SYNPO: variants seen among roughly 807,000 people sequenced by gnomAD.
SYNPO encodes synaptopodin.
SYNPO carries 19 observed loss-of-function variants against 49.5 expected under a neutral mutation model. The observed-to-expected ratio is 0.38, with a 90% CI of 0.27 to 0.56. The LOEUF (loss-of-function observed/expected upper bound fraction) is 0.56. Ranked by LOEUF, SYNPO falls within the 20% of genes least tolerant of loss-of-function variation. The pLI is 0.68. For synonymous variants in SYNPO, 536 were observed against 548.0 expected, an observed-to-expected ratio of 0.98 and a Z score of 0.31; for missense variants, 1,131 against 1,248.3, an observed-to-expected ratio of 0.91 and a Z score of 1.42.
chr5:150,637,484 C>A (rs576406208), upstream of SYNPO, among the ~76,000 whole-genome samples: 8 of 152,214 alleles, frequency 5.3e-5, no homozygotes, highest in East Asian at 1.5e-3. Context: ...ATGATTGCAC[C>A]CGGCCCCTGA....
chr5:150,652,555 G>A, intron 2 of SYNPO: 1 of 324,564 alleles, frequency 3.1e-6, no homozygotes, highest in Non-Finnish European at 4.4e-6. Context: ...ACAGCACTCA[G>A]GGAGCCAGAA....
At chr5:150,650,699 C>G (rs550395965) in intron 2 of SYNPO, 1 of 1,374,580 alleles carries the variant, frequency 7.3e-7, no homozygotes, top group African/African-American at 1.5e-5. Flanking sequence ...GAAGGGGATC[C>G]TAACAGGGAC....
At chr5:150,605,229 A>C (rs968937184) in intron 1 of SYNPO, among the ~76,000 whole-genome samples, 1 of 152,132 alleles carries the variant, frequency 6.6e-6, no homozygotes, top group Non-Finnish European at 1.5e-5. Flanking sequence ...AGAGGCCCTG[A>C]GCCCCAGGTG....
intron 1 of SYNPO, chr5:150,617,791 T>G (rs757072210): frequency 6.6e-6 from 1 of 152,244 alleles, no homozygotes; most frequent in Non-Finnish European, 1.5e-5. Context: ...GGAAAAGGAC[T>G]GAGCACAATA....
At chr5:150,595,858 C>A in the SYNPO span, among the ~76,000 whole-genome samples, 1 of 151,348 alleles carries the variant, frequency 6.6e-6, no homozygotes, top group Non-Finnish European at 1.5e-5. Flanking sequence ...CCCCACCCCC[C>A]CAGCTGGCTG....
At chr5:150,602,156 C>T (rs1756560463) in intron 1 of SYNPO, among the ~76,000 whole-genome samples, 4 of 152,192 alleles carry the variant, frequency 2.6e-5, no homozygotes, top group Admixed American at 2.6e-4. Flanking sequence ...GCAAATGGGG[C>T]TCCCAGAGGG....
At chr5:150,641,630 TG>T (rs1443403004) in intron 1 of SYNPO, among the ~76,000 whole-genome samples, 1 of 152,012 alleles carries the variant, frequency 6.6e-6, no homozygotes, top group Non-Finnish European at 1.5e-5. Context: ...GTGGTAGGGG[TG>T]GGGGAAAGGG....
exon 2 of SYNPO, chr5:150,618,338 T>C: frequency 6.6e-7 from 1 of 1,515,018 alleles, no homozygotes; most frequent in Non-Finnish European, 8.9e-7. Context: ...AGGAGCCTGC[T>C]TCCCTGCATC....
rs193173268 is a variant in SYNPO at position 150,642,685 on chromosome 5, G to A, written c.-333+1831G>A. Among the ~76,000 whole-genome samples, 699 of 152,336 alleles carry A rather than the reference G, an allele frequency of 4.6e-3. 6 individuals carry two copies. Among genetic ancestry groups the A allele is most frequent in the African/African-American group, 0.016 (653 of 41,592 alleles). On this transcript the variant is annotated intron_variant, in intron 1 of 2. Coordinates refer to ENST00000307662, the MANE Select transcript of SYNPO (RefSeq NM_007286.6). Reference sequence around the variant, plus strand: ...CCGCCTCCCCAGCTTTGTTTGTGAAGGGTGGCGAAAATCATCTGGATGGCT... The same window carrying A: ...CCGCCTCCCCAGCTTTGTTTGTGAAAGGTGGCGAAAATCATCTGGATGGCT...
intron 1 of SYNPO, among the ~76,000 whole-genome samples, chr5:150,611,044 G>A (rs1051241783): frequency 6.6e-6 from 1 of 152,122 alleles, no homozygotes; most frequent in Non-Finnish European, 1.5e-5. Flanking sequence ...TAGTGAACTT[G>A]AAATGCATAT....
rs1443707869 is a variant in SYNPO at position 150,657,122 on chromosome 5, G to C, written c.*35G>C. 6.5e-7 allele frequency: 1 copy of C among 1,543,432 alleles called. No homozygotes were observed. The highest frequency in any genetic ancestry group is 8.7e-7 in the Non-Finnish European group (1 of 1,143,532). On this transcript the variant is annotated 3_prime_UTR_variant, in exon 3 of 3. Transcript: ENST00000307662. ...CCCGACCCCACCCCGGGAGGGCAGA[G>C]CCAGAAGAAGGCTCATTAGACCTGG...
At chr5:150,631,584 T>G (rs1757539273) in intron 2 of SYNPO, among the ~76,000 whole-genome samples, 1 of 152,072 alleles carries the variant, frequency 6.6e-6, no homozygotes, top group Non-Finnish European at 1.5e-5. Flanking sequence ...GTACAGGGCC[T>G]GGAGCCTGCG....
intron 1 of SYNPO, among the ~76,000 whole-genome samples, chr5:150,607,970 A>T (rs1237022441): frequency 6.6e-6 from 1 of 152,248 alleles, no homozygotes. Flanking sequence ...GCACATCTCA[A>T]TGTGGGCTAG....
At chr5:150,594,002 G>C in the SYNPO span, among the ~76,000 whole-genome samples, 1 of 152,204 alleles carries the variant, frequency 6.6e-6, no homozygotes. Context: ...TGATAATGAA[G>C]TCAGACATGG....
the SYNPO span, among the ~76,000 whole-genome samples, chr5:150,588,966 T>G: frequency 6.6e-6 from 1 of 152,206 alleles, no homozygotes; most frequent in Non-Finnish European, 1.5e-5. Context: ...TGGAGCAATA[T>G]TCGAGGCTAT....
At chr5:150,629,072 G>A (rs1167240865) in intron 2 of SYNPO, among the ~76,000 whole-genome samples, 5 of 152,168 alleles carry the variant, frequency 3.3e-5, no homozygotes, top group Non-Finnish European at 7.4e-5. Context: ...AGGCTGGGGT[G>A]CAGTGGCATG....
At chr5:150,619,132 A>T (rs76057052) in intron 2 of SYNPO, among the ~76,000 whole-genome samples, 5 of 152,142 alleles carry the variant, frequency 3.3e-5, no homozygotes, top group African/African-American at 1.2e-4. Flanking sequence ...GATGGGGCAG[A>T]ACCCTCTCAT....
rs1364133292 is a variant in SYNPO at position 150,648,929 on chromosome 5, C to A, written c.654C>A (p.Pro218=). 6 of 1,614,258 alleles carry A rather than the reference C, an allele frequency of 3.7e-6. No homozygotes were observed. The highest frequency in any genetic ancestry group is 5.1e-6 in the Non-Finnish European group (6 of 1,180,046). ...EMSGRAAATT[P]TKVYSEVHFT... ...CTGGGCGAGCAGCTGCCACCACGCC[C>A]ACCAAGGTCTACAGTGAGGTCCACT... The change falls in exon 2 of 3, where the codon CCC becomes CCA. Residue 218 remains proline, a synonymous_variant. Coordinates refer to ENST00000307662, the MANE Select transcript of SYNPO (RefSeq NM_007286.6). This position sits in a 1 kb window ranked among gnomAD's most constrained non-coding sequence, Gnocchi z 5.0.
chr5:150,655,431 A>G (rs915518832), intron 2 of SYNPO, among the ~76,000 whole-genome samples: 1 of 152,036 alleles, frequency 6.6e-6, no homozygotes, highest in Non-Finnish European at 1.5e-5. Flanking sequence ...CTCAGCCTCT[A>G]TCTAGTTCTT....
Sources: gnomAD v4.1 joint callset for allele counts (sites outside exome capture counted in the v4.1 genomes callset) on GRCh38, gnomAD v4.1.1 for gene constraint, Gnocchi (gnomAD v3.1) non-coding constraint, MANE v1.5 for transcripts, NCBI Gene and HGNC (gene_info 2026-07-23, HGNC 2026-07-21) for gene names.